The following TSPAN3 variants were observed in gnomAD, a reference collection of about 807,000 sequenced individuals.
TSPAN3 encodes tetraspanin-3.
Under a neutral mutation model 31.1 loss-of-function variants are expected in TSPAN3, and 9 were observed. The ratio of observed to expected loss-of-function variants is 0.29; its 90% confidence interval spans 0.17 to 0.50. TSPAN3 has a LOEUF of 0.50. Among genes scored for constraint, TSPAN3 ranks in the 20% least tolerant of loss-of-function variants. The pLI is 0.98. For synonymous variants in TSPAN3, 129 were observed against 114.3 expected (o/e 1.13, Z -0.82); for missense variants, 252 against 313.5 (o/e 0.80, Z 1.48).
At chr15:77,070,481 C>G (rs1416732232) in intron 1 of TSPAN3, among the ~76,000 whole-genome samples, 1 of 151,990 alleles carries the variant, frequency 6.6e-6, no homozygotes, top group African/African-American at 2.4e-5. Flanking sequence ...TGCGAGGCCC[C>G]GACAAAGAGC....
chr15:77,056,049 C>A lies in TSPAN3; in HGVS notation c.255+15G>T. The A allele has an allele frequency of 1.9e-6, 3 of 1,592,324 alleles. No homozygotes were observed. The highest frequency in any genetic ancestry group is 2.6e-6 in the Non-Finnish European group (3 of 1,171,208). On this transcript the variant is annotated intron_variant, in intron 2 of 6. Coordinates refer to ENST00000267970, the MANE Select transcript of TSPAN3 (RefSeq NM_005724.6). ...TAGACTAAATACTCCTGCATGTTCT[C>A]ACAACACATCTTACCGTGGCAAGTC...
intron 1 of TSPAN3, among the ~76,000 whole-genome samples, chr15:77,060,618 T>A (rs1006897010): frequency 6.6e-6 from 1 of 152,146 alleles, no homozygotes; most frequent in Admixed American, 6.5e-5. Context: ...AAAGGTGAGC[T>A]TAAATTCTTC....
chr15:77,053,712 G>A (rs2076748522), intron 4 of TSPAN3, among the ~76,000 whole-genome samples: 1 of 152,136 alleles, frequency 6.6e-6, no homozygotes, highest in Non-Finnish European at 1.5e-5. Flanking sequence ...ACTGAGGCAA[G>A]GTCGGGGTGC....
rs758956494 is a variant in TSPAN3, at chr15:77,054,295, G to T, written c.331-16C>A. 7.0e-6 allele frequency: 11 copies of T among 1,562,390 alleles called. No homozygotes were observed. Among genetic ancestry groups the T allele is most frequent in the South Asian group, 1.1e-5 (1 of 89,862 alleles). ...CATTTTCCACCTGAATCAGAACAAAGAATTCAGTCCCTCAAAAATACTAGT... is the reference window on the plus strand; with the variant it reads ...CATTTTCCACCTGAATCAGAACAAATAATTCAGTCCCTCAAAAATACTAGT... On this transcript the variant is annotated splice_polypyrimidine_tract_variant and intron_variant, in intron 3 of 6. Coordinates refer to ENST00000267970, the MANE Select transcript of TSPAN3 (RefSeq NM_005724.6).
In TSPAN3 at chr15:77,061,187, G is replaced by GC. The variant is rs146812979; in HGVS notation, c.64-4933_64-4932insG. Among the ~76,000 whole-genome samples, 272 of 151,646 alleles carry GC rather than the reference G, an allele frequency of 1.8e-3. 3 individuals are homozygous for GC. Among genetic ancestry groups the GC allele is most frequent in the African/African-American group, 6.4e-3 (265 of 41,166 alleles). On this transcript the variant is annotated intron_variant, in intron 1 of 6. Coordinates refer to ENST00000267970, the MANE Select transcript of TSPAN3 (RefSeq NM_005724.6). The stretch of plus-strand genomic sequence containing the variant: ...TTCCATAGCTTAGAAACTAGTTTTT[G>GC]GGGGGGTAATTTTCAAATATTCTAT...
At chr15:77,062,430 G>A (rs1426719281) in intron 1 of TSPAN3, among the ~76,000 whole-genome samples, 2 of 152,086 alleles carry the variant, frequency 1.3e-5, no homozygotes, top group East Asian at 1.9e-4. Context: ...AGGAAAAAAG[G>A]CCATTCCAAA....
In TSPAN3 at chr15:77,045,978, TA is replaced by T. The variant is rs1352162064; in HGVS notation, c.*856del. On this transcript the variant is annotated 3_prime_UTR_variant, in exon 7 of 7. Coordinates refer to ENST00000267970, the MANE Select transcript of TSPAN3 (RefSeq NM_005724.6). ...GACAGCACCAACAAAGAAAACATGA[TA>T]CTGCTGCTCTGGAACTGAAATATCC... 6.5e-6 allele frequency: 1 copy of T among 154,510 alleles called. No homozygotes were observed. The highest frequency in any genetic ancestry group is 2.4e-5 in the African/African-American group (1 of 41,552). 9.6% of individuals were successfully genotyped at this position (154,510 alleles called of 1,614,324 possible).
chr15:77,042,012 G>C lies in TSPAN3; in HGVS notation c.*4823C>G, dbSNP rs1019702854. 1 of 152,184 alleles carries C rather than the reference G, an allele frequency of 6.6e-6. No homozygotes were observed. Among genetic ancestry groups the C allele is most frequent in the Non-Finnish European group, 1.5e-5 (1 of 68,040 alleles). The allele number at this position is 152,184 out of a possible 1,614,324, so 9.4% of individuals were successfully genotyped here. On this transcript the variant is annotated 3_prime_UTR_variant, in exon 7 of 7. Coordinates refer to ENST00000267970, the MANE Select transcript of TSPAN3 (RefSeq NM_005724.6). ...CCTTTATACACCTTGGTTAATCATG[G>C]TACTAATGTACCCACACAGCTAACA...
intron 1 of TSPAN3, chr15:77,064,225 A>T (rs2076817562): frequency 6.6e-6 from 1 of 152,218 alleles, no homozygotes; most frequent in African/African-American, 2.4e-5. Context: ...GCCATGAGTA[A>T]GATTTCTGGG....
intron 6 of TSPAN3, among the ~76,000 whole-genome samples, chr15:77,051,747 A>ACT (rs1345513063): frequency 6.6e-6 from 1 of 151,836 alleles, no homozygotes; most frequent in Non-Finnish European, 1.5e-5. Context: ...AGTCCCAGCT[A>ACT]CTGGAGAGGC....
chr15:77,065,568 A>G (rs904541912), intron 1 of TSPAN3, among the ~76,000 whole-genome samples: 5 of 152,106 alleles, frequency 3.3e-5, no homozygotes, highest in African/African-American at 1.2e-4. Flanking sequence ...CTGGGACTAC[A>G]AGTGCCCACC....
chr15:77,055,711 AAATG>A, intron 3 of TSPAN3, 74 bp downstream of exon 3: 1 of 1,130,068 alleles, frequency 8.8e-7, no homozygotes, highest in Non-Finnish European at 1.3e-6. Flanking sequence ...TACTCTGATA[AAATG>A]AATGTGTTCT....
intron 6 of TSPAN3, among the ~76,000 whole-genome samples, chr15:77,051,877 G>A (rs1332122720): frequency 6.6e-6 from 1 of 151,940 alleles, no homozygotes; most frequent in East Asian, 1.9e-4. Context: ...AAGTTGTTGT[G>A]TTTAGTGCAA....
intron 1 of TSPAN3, among the ~76,000 whole-genome samples, chr15:77,062,250 A>T (rs1342827275): frequency 6.6e-6 from 1 of 152,236 alleles, no homozygotes; most frequent in Non-Finnish European, 1.5e-5. Context: ...AAGTGTCTTA[A>T]AATCATCTTA....
At position 77,071,084 on chromosome 15, in the gene TSPAN3, G is replaced by C. The variant is rs1430850321; in HGVS notation, c.-130C>G. On this transcript the variant is annotated 5_prime_UTR_variant, in exon 1 of 7. Coordinates refer to ENST00000267970, the MANE Select transcript of TSPAN3 (RefSeq NM_005724.6). ...CGGCGCTCCCCGCAGCCCCTGCGCC[G>C]TCGCGCAGCCCCGACCCCAGCAAGT... 3.7e-6 allele frequency: 2 copies of C among 547,278 alleles called. No homozygotes were observed. The highest frequency in any genetic ancestry group is 4.9e-5 in the Admixed American group (1 of 20,280). 33.9% of individuals were successfully genotyped at this position (547,278 alleles called of 1,614,324 possible). A position where few individuals can be genotyped will look rare whatever the true frequency, so the allele number is the denominator to read the frequency against.
intron 1 of TSPAN3, chr15:77,068,039 T>C (rs2076843762): frequency 6.6e-6 from 1 of 152,214 alleles, no homozygotes; most frequent in African/African-American, 2.4e-5. Flanking sequence ...TGTGAGGATA[T>C]GCCATGTAAA....
At chr15:77,056,931 G>A (rs1435804903) in intron 1 of TSPAN3, among the ~76,000 whole-genome samples, 1 of 152,214 alleles carries the variant, frequency 6.6e-6, no homozygotes, top group African/African-American at 2.4e-5. Flanking sequence ...TGATTCAGGA[G>A]GTCTGAGGAG....
Position 77,051,729 on chromosome 15 carries a change from G to A in TSPAN3, c.669+656C>T, listed in dbSNP as rs1051401297. Among the ~76,000 whole-genome samples the A allele has an allele frequency of 4.0e-5, 6 of 151,606 alleles. No homozygotes were observed. In the South Asian group the frequency reaches 6.3e-4, roughly 16 times the overall value. On this transcript the variant is annotated intron_variant, in intron 6 of 6. Coordinates refer to ENST00000267970, the MANE Select transcript of TSPAN3 (RefSeq NM_005724.6). ...AAAAATTAGTCTGGTGTGGTGGCCC[G>A]TGCTTGTAGTCCCAGCTACTGGAGA...
At position 77,042,198 on chromosome 15, in the gene TSPAN3, T is replaced by C. The variant is rs1052478273; in HGVS notation, c.*4637A>G. ...TGTGTATGTAGTCTGCAAAGACACA[T>C]GCCATTGCTGAACTGCTGAACTTGC... On this transcript the variant is annotated 3_prime_UTR_variant, in exon 7 of 7. Transcript: ENST00000267970. 1.3e-5 allele frequency: 2 copies of C among 152,252 alleles called. No homozygotes were observed. Among genetic ancestry groups the C allele is most frequent in the African/African-American group, 2.4e-5 (1 of 41,466 alleles). 9.4% of individuals were successfully genotyped at this position (152,252 alleles called of 1,614,324 possible). A position where few individuals can be genotyped will look rare whatever the true frequency, so the allele number is the denominator to read the frequency against.
Sources: allele counts gnomAD v4.1 joint callset (sites outside exome capture counted in the v4.1 genomes callset), GRCh38; gene constraint gnomAD v4.1.1; transcripts MANE v1.5; gene names NCBI Gene and HGNC (gene_info 2026-07-23, HGNC 2026-07-21).